The following DYM variants were observed in gnomAD, a reference collection of about 807,000 sequenced individuals.
DYM encodes the protein dymeclin.
DYM carries 78 observed loss-of-function variants against 93.1 expected under a neutral mutation model. That is an observed-to-expected ratio of 0.84 (90% CI 0.70 to 1.01). DYM has a LOEUF of 1.01. Ranked by LOEUF, DYM falls within the 50% of genes least tolerant of loss-of-function variation. The pLI, the probability that DYM is intolerant of heterozygous loss-of-function variation, is 0.00. For synonymous variants in DYM, 321 were observed against 319.7 expected (o/e 1.00, Z -0.04); for missense variants, 789 against 845.0 (o/e 0.93, Z 0.82).
chr18:49,373,459 G>A (rs1381362872), intron 5 of DYM, among the ~76,000 whole-genome samples: 2 of 152,124 alleles, frequency 1.3e-5, no homozygotes, highest in Non-Finnish European at 2.9e-5. Context: ...CTGTCATGGC[G>A]CTGGTGGGAG....
chr18:49,238,268 T>C (rs976552153), intron 13 of DYM, among the ~76,000 whole-genome samples: 1 of 152,164 alleles, frequency 6.6e-6, no homozygotes, highest in African/African-American at 2.4e-5. Context: ...AGACTTAAAC[T>C]GTGCATTTTA....
intron 2 of DYM, among the ~76,000 whole-genome samples, chr18:49,405,123 T>G (rs1599970724): frequency 6.6e-6 from 1 of 152,326 alleles, no homozygotes; most frequent in East Asian, 1.9e-4. Flanking sequence ...ACTGTTTGAA[T>G]TCCTTATAGA....
Position 49,333,720 on chromosome 18 carries a change from A to G in DYM, c.620+8T>C. 1 of 1,613,756 alleles carries G rather than the reference A, an allele frequency of 6.2e-7. No homozygotes were observed. The highest frequency in any genetic ancestry group is 8.5e-7 in the Non-Finnish European group (1 of 1,179,738). On this transcript the variant is annotated splice_region_variant and intron_variant, in intron 7 of 17. Transcript: ENST00000675505. ...AAAAAACTAGACATACTTAAAGTAG[A>G]AACATACCATGGACCTCGCATCAAA...
chr18:49,334,614 A>T (rs7227713), intron 6 of DYM, among the ~76,000 whole-genome samples: 2,813 of 152,312 alleles, frequency 0.018, 89 homozygotes, highest in African/African-American at 0.062. Context: ...AGAAACCTCA[A>T]CAACGCAGTA....
chr18:49,071,631 CA>C (rs1429030231), intron 17 of DYM, among the ~76,000 whole-genome samples: 4 of 152,168 alleles, frequency 2.6e-5, no homozygotes, highest in Admixed American at 2.6e-4. Flanking sequence ...CTACAACAGT[CA>C]AGGGTAACAG....
chr18:49,352,275 G>A (rs11873501), intron 6 of DYM, among the ~76,000 whole-genome samples: 3,933 of 152,218 alleles, frequency 0.026, 160 homozygotes, highest in African/African-American at 0.088. Context: ...AAATGTTCCG[G>A]TATTAGATAA....
chr18:49,388,147 T>C (rs964571737), intron 3 of DYM, among the ~76,000 whole-genome samples: 2 of 151,972 alleles, frequency 1.3e-5, no homozygotes, highest in African/African-American at 4.8e-5. Flanking sequence ...CAACATAACA[T>C]GGCAAGATCC....
intron 6 of DYM, among the ~76,000 whole-genome samples, chr18:49,352,568 G>A (rs1021524333): frequency 6.6e-6 from 1 of 151,648 alleles, no homozygotes; most frequent in Non-Finnish European, 1.5e-5. Context: ...GGGAACTTGA[G>A]AGGGATGTAA....
chr18:49,302,218 T>C (rs889349922), intron 8 of DYM, among the ~76,000 whole-genome samples: 1 of 152,174 alleles, frequency 6.6e-6, no homozygotes, highest in Non-Finnish European at 1.5e-5. Flanking sequence ...ACCAAGACTC[T>C]CTGAAATACA....
chr18:49,257,523 A>G (rs893036324), intron 12 of DYM, among the ~76,000 whole-genome samples: 2 of 152,160 alleles, frequency 1.3e-5, no homozygotes, highest in Non-Finnish European at 2.9e-5. Flanking sequence ...TGTATCTGCA[A>G]TAGCCCCACG....
At chr18:49,202,032 T>A (rs1196631813) in intron 14 of DYM, among the ~76,000 whole-genome samples, 3 of 152,208 alleles carry the variant, frequency 2.0e-5, no homozygotes, top group Non-Finnish European at 2.9e-5. Context: ...GTTGTCCCCA[T>A]AACCATCTTC....
intron 17 of DYM, among the ~76,000 whole-genome samples, chr18:49,051,350 C>G (rs150235795): frequency 6.6e-6 from 1 of 152,128 alleles, no homozygotes; most frequent in African/African-American, 2.4e-5. Flanking sequence ...AGGTGGCAAG[C>G]TGGGCAGTTT....
chr18:49,329,399 C>A (rs1254070352), intron 8 of DYM, among the ~76,000 whole-genome samples: 1 of 151,948 alleles, frequency 6.6e-6, no homozygotes, highest in Non-Finnish European at 1.5e-5. Context: ...CAAACCTGCA[C>A]GTTGTGCACA....
intron 6 of DYM, among the ~76,000 whole-genome samples, chr18:49,337,708 G>A (rs2063775497): frequency 1.3e-5 from 2 of 152,142 alleles, no homozygotes; most frequent in Admixed American, 1.3e-4. Context: ...CATAGAAAAA[G>A]AAATTACTAT....
intron 17 of DYM, among the ~76,000 whole-genome samples, chr18:49,080,154 G>C (rs1472865522): frequency 2.6e-5 from 1 of 38,882 alleles, no homozygotes; most frequent in African/African-American, 5.8e-5. Flanking sequence ...GCTGGCCGGG[G>C]GGGGGCTGAC....
intron 16 of DYM, 162 bp downstream of exon 16, chr18:49,118,582 C>T (rs2082113033): frequency 2.9e-6 from 2 of 694,382 alleles, no homozygotes; most frequent in African/African-American, 1.8e-5. Flanking sequence ...ATATACAACA[C>T]ACACACAGAT....
intron 13 of DYM, among the ~76,000 whole-genome samples, chr18:49,248,122 C>T (rs2094209236): frequency 2.0e-5 from 3 of 152,186 alleles, no homozygotes; most frequent in Non-Finnish European, 4.4e-5. Flanking sequence ...AAATCATATA[C>T]ATTTAAGAGA....
At chr18:49,055,395 C>T (rs1220108324) in intron 17 of DYM, among the ~76,000 whole-genome samples, 10 of 152,124 alleles carry the variant, frequency 6.6e-5, no homozygotes, top group African/African-American at 1.7e-4. Context: ...AAGTTGCCTA[C>T]GCGTCAACTC....
chr18:49,394,093 T>C (rs1055418238), intron 2 of DYM, among the ~76,000 whole-genome samples: 5 of 152,330 alleles, frequency 3.3e-5, no homozygotes, highest in Middle Eastern at 3.4e-3. Context: ...ATATACTTAA[T>C]GCCACAGAAC....
Sources: allele counts gnomAD v4.1 joint callset (sites outside exome capture counted in the v4.1 genomes callset), GRCh38; gene constraint gnomAD v4.1.1; transcripts MANE v1.5; gene names NCBI Gene and HGNC (gene_info 2026-07-23, HGNC 2026-07-21).